DRC7: variants seen among roughly 807,000 people sequenced by gnomAD.
DRC7 encodes the protein coiled-coil domain containing 135.
In DRC7, 80 loss-of-function variants were observed where a neutral mutation model predicts 104.4. The ratio of observed to expected loss-of-function variants is 0.77; its 90% CI spans 0.64 to 0.92. The LOEUF (loss-of-function observed/expected upper bound fraction) is 0.92. Among genes scored for constraint, DRC7 ranks in the 40% least tolerant of loss-of-function variants. The pLI, the probability that DRC7 is intolerant of heterozygous loss-of-function variation, is 0.00. For synonymous variants in DRC7, 405 were observed against 447.3 expected, an observed-to-expected ratio of 0.91 and a Z score of 1.19; for missense variants, 1,034 against 1,141.1, an observed-to-expected ratio of 0.91 and a Z score of 1.35.
intron 8 of DRC7, among the ~76,000 whole-genome samples, chr16:57,710,163 A>G (rs1283200570): frequency 6.6e-6 from 1 of 152,196 alleles, no homozygotes; most frequent in African/African-American, 2.4e-5. Context: ...GAACCATGGT[A>G]TCTCTCTTCA....
chr16:57,709,317 T>C (rs1362742576), intron 8 of DRC7, among the ~76,000 whole-genome samples: 2 of 152,190 alleles, frequency 1.3e-5, no homozygotes, highest in Non-Finnish European at 2.9e-5. Flanking sequence ...TTTCATTTCT[T>C]TTTCTTGTTT....
chr16:57,724,547 C>T, intron 12 of DRC7, 68 bp from the exon 13 acceptor site: 1 of 1,240,392 alleles, frequency 8.1e-7, no homozygotes, highest in African/African-American at 1.5e-5. Context: ...GGTTGGGCGA[C>T]CAAGCCAGCA....
At chr16:57,722,357 G>T (rs2923142) in intron 10 of DRC7, among the ~76,000 whole-genome samples, 94,431 of 151,940 alleles carry the variant, frequency 0.62, 30,670 homozygotes, top group African/African-American at 0.82. Flanking sequence ...GGTGAAGTTT[G>T]GAAGGATCTG....
Position 57,704,994 on chromosome 16 carries a change from A to C in DRC7, c.818A>C (p.Gln273Pro). ...AAGAAGCAGCAGGAGATCAGAGCCCAGGAGAAGAAGCGGCTGAGGGAGGAG... is the reference window on the plus strand; with the variant it reads ...AAGAAGCAGCAGGAGATCAGAGCCCCGGAGAAGAAGCGGCTGAGGGAGGAG... ...EVKKQQEIRA[Q>P]EKKRLREEEE... Residue 273 changes from glutamine to proline, a missense_variant, in exon 7 of 19, where the codon CAG becomes CCG. By Grantham distance (76) the Gln-to-Pro change is moderately conservative. Coordinates refer to ENST00000360716, the MANE Select transcript of DRC7 (RefSeq NM_001289162.2). 6.2e-7 allele frequency: 1 copy of C among 1,613,300 alleles called. No homozygotes were observed. Among genetic ancestry groups the C allele is most frequent in the Non-Finnish European group, 8.5e-7 (1 of 1,179,912 alleles).
At chr16:57,705,072 C>G in intron 7 of DRC7, 38 bp downstream of exon 7, 3 of 1,597,796 alleles carry the variant, frequency 1.9e-6, no homozygotes, top group Non-Finnish European at 2.6e-6. Context: ...GCTCAGCTAT[C>G]GAGAAAGGAC....
At position 57,707,517 on chromosome 16, in the gene DRC7, C is replaced by G. The variant is rs1303559851; in HGVS notation, c.916C>G (p.Leu306Val). 6.2e-7 allele frequency: 1 copy of G among 1,613,486 alleles called. No individual in the cohort carries two copies. The highest frequency in any genetic ancestry group is 1.1e-5 in the South Asian group (1 of 91,082). The change falls in exon 8 of 19, where the codon CTT becomes GTT. Residue 306 changes from leucine to valine, a missense_variant. Physicochemically the swap from Leu to Val is conservative, Grantham distance 32 (BLOSUM62 1). Coordinates refer to ENST00000360716, the MANE Select transcript of DRC7 (RefSeq NM_001289162.2). ...CGGCCTGCGGGTGCACTCCTGGGTC[C>G]TTGTGCTATCGGGGAAGCGCGAGGT... ...LHGLRVHSWV[L>V]VLSGKREVPE...
At chr16:57,717,283 G>A (rs2048853200) in intron 8 of DRC7, among the ~76,000 whole-genome samples, 1 of 142,056 alleles carries the variant, frequency 7.0e-6, no homozygotes, top group Admixed American at 7.1e-5. Context: ...CTCCCAGGCT[G>A]GAGTACAGTG....
At chr16:57,708,470 T>C (rs2048757093) in intron 8 of DRC7, among the ~76,000 whole-genome samples, 1 of 152,222 alleles carries the variant, frequency 6.6e-6, no homozygotes, top group South Asian at 2.1e-4. Flanking sequence ...CTTTCCATTA[T>C]TTGAATACAC....
Position 57,698,037 on chromosome 16 carries a change from A to C in DRC7, c.88A>C (p.Lys30Gln). ...GTGGGCTGAATGGGCGAGGATGGAGAAAATGATGAGGCCAGTTGAGGTGCG... is the reference window on the plus strand; with the variant it reads ...GTGGGCTGAATGGGCGAGGATGGAGCAAATGATGAGGCCAGTTGAGGTGCG... Reference protein sequence around the residue: ...AEWAEWARMEKMMRPVEVRKE... With the variant: ...AEWAEWARMEQMMRPVEVRKE... The change falls in exon 3 of 19, where the codon AAA (lysine) becomes CAA (glutamine). Residue 30 changes from lysine (K) to glutamine (Q), a missense_variant. Coordinates refer to ENST00000360716, the MANE Select transcript of DRC7 (RefSeq NM_001289162.2). 6.2e-7 allele frequency: 1 copy of C among 1,614,058 alleles called. No homozygotes were observed. Among genetic ancestry groups the C allele is most frequent in the Non-Finnish European group, 8.5e-7 (1 of 1,180,004 alleles).
At chr16:57,697,765 G>A in intron 2 of DRC7, 148 bp from the exon 3 acceptor site, 1 of 824,888 alleles carries the variant, frequency 1.2e-6, no homozygotes, top group Non-Finnish European at 1.9e-6. Context: ...CTCCATGTTT[G>A]AAAGGAAGTC....
chr16:57,707,039 T>C (rs1483352580), intron 7 of DRC7, among the ~76,000 whole-genome samples: 1 of 152,174 alleles, frequency 6.6e-6, no homozygotes, highest in African/African-American at 2.4e-5. Context: ...CCATAGAGTA[T>C]TCCTTGAGCT....
rs958933454 is a variant in DRC7, at chr16:57,722,646, C to T, written c.1280-67C>T. 17 of 1,594,840 alleles carry T rather than the reference C, an allele frequency of 1.1e-5. No individual in the cohort carries two copies. In the African/African-American group the frequency reaches 2.3e-4, roughly 21 times the overall value. ...GAACGGGCAGTGGATGGATGAATGG[C>T]TGGGCGGGGCTGGCCCTCCCTTCCC... On this transcript the variant is annotated intron_variant, in intron 10 of 18. Transcript: ENST00000360716.
At chr16:57,724,985 G>A in intron 13 of DRC7, 150 bp downstream of exon 13, 1 of 624,200 alleles carries the variant, frequency 1.6e-6, no homozygotes, top group East Asian at 2.7e-5. Flanking sequence ...TTTACCAAAT[G>A]TATTAGTCTG....
intron 8 of DRC7, chr16:57,714,701 T>G (rs2048823426): frequency 2.7e-6 from 1 of 375,608 alleles, no homozygotes; most frequent in Non-Finnish European, 5.1e-6. Flanking sequence ...ATGAAGAGTA[T>G]GAAGAGTTAT....
chr16:57,723,101 T>G lies in DRC7; in HGVS notation c.1508T>G (p.Phe503Cys). ...ACCACAGACCTGAAGACAGACTACT[T>G]CAAGCCTGGCCACCCCCAGGCTCTG... ...NKTTDLKTDY[F>C]KPGHPQALRV... is the part of the protein sequence containing the mutation. Residue 503 changes from phenylalanine (F) to cysteine (C), a missense_variant, in exon 12 of 19, where the codon TTC becomes TGC. Physicochemically the swap from Phe to Cys is radical, Grantham distance 205. Transcript: ENST00000360716. 6.2e-7 allele frequency: 1 copy of G among 1,613,742 alleles called. No homozygotes were observed. Among genetic ancestry groups the G allele is most frequent in the Non-Finnish European group, 8.5e-7 (1 of 1,179,970 alleles).
chr16:57,718,518 G>C, intron 9 of DRC7, 43 bp downstream of exon 9: 7 of 1,606,218 alleles, frequency 4.4e-6, no homozygotes, highest in Non-Finnish European at 5.1e-6. Flanking sequence ...GTGTGTGAAG[G>C]CTTCAGGGAG....
chr16:57,707,378 C>A, intron 7 of DRC7, 82 bp from the exon 8 acceptor site: 1 of 1,314,908 alleles, frequency 7.6e-7, no homozygotes, highest in Non-Finnish European at 1.0e-6. Flanking sequence ...CCTGCTGGTT[C>A]CCCAGCCCCA....
At chr16:57,711,000 G>A (rs978204440) in intron 8 of DRC7, among the ~76,000 whole-genome samples, 4 of 152,230 alleles carry the variant, frequency 2.6e-5, no homozygotes, top group African/African-American at 9.6e-5. Flanking sequence ...CTCATGGAAT[G>A]AGTTGGGAAG....
chr16:57,708,532 G>A (rs536856486), intron 8 of DRC7, among the ~76,000 whole-genome samples: 1 of 152,242 alleles, frequency 6.6e-6, no homozygotes, highest in Non-Finnish European at 1.5e-5. Flanking sequence ...TGTCCAGTTT[G>A]GGACTATTTT....
Sources: allele counts gnomAD v4.1 joint callset (sites outside exome capture counted in the v4.1 genomes callset), GRCh38; gene constraint gnomAD v4.1.1; transcripts MANE v1.5; gene names NCBI Gene and HGNC (gene_info 2026-07-23, HGNC 2026-07-21).